The following ADPRHL1 variants were observed in gnomAD, a reference collection of about 807,000 sequenced individuals.
ADPRHL1 encodes the protein inactive ADP-ribosyltransferase ARH2.
ADPRHL1 carries 43 observed loss-of-function variants against 44.1 expected under a neutral mutation model. The ratio of observed to expected loss-of-function variants is 0.98; its 90% CI spans 0.76 to 1.26. The LOEUF is 1.26. ADPRHL1 is among the 50% of genes most tolerant of loss of function. The pLI, the probability that ADPRHL1 is intolerant of heterozygous loss-of-function variation, is 0.00. For missense variants in ADPRHL1, 2,022 were observed against 2,496.9 expected (o/e 0.81, Z 4.05); for synonymous variants, 878 against 1,017.4 (o/e 0.86, Z 2.61).
chr13:113,421,933 A>T (rs1050334376), intron 7 of ADPRHL1: 2 of 152,268 alleles, frequency 1.3e-5, no homozygotes, highest in African/African-American at 4.8e-5. Flanking sequence ...GCGGCCAAGC[A>T]CAGCGGTAAA....
chr13:113,442,849 C>T (rs988254298), intron 2 of ADPRHL1, among the ~76,000 whole-genome samples: 1 of 152,214 alleles, frequency 6.6e-6, no homozygotes, highest in South Asian at 2.1e-4. Flanking sequence ...AGGCCGCCCG[C>T]GGGTCGCTGG....
At chr13:113,415,543 G>T (rs1436448840) in intron 7 of ADPRHL1, among the ~76,000 whole-genome samples, 1 of 152,148 alleles carries the variant, frequency 6.6e-6, no homozygotes, top group Admixed American at 6.5e-5. Flanking sequence ...ACGAGGTCAG[G>T]AGTTCGAGGC....
intron 7 of ADPRHL1, among the ~76,000 whole-genome samples, chr13:113,414,881 G>T (rs2139606724): frequency 6.6e-6 from 1 of 152,042 alleles, no homozygotes; most frequent in East Asian, 1.9e-4. Context: ...CACCATGTTG[G>T]CTAGGCTGGT....
At position 113,405,066 on chromosome 13, in the gene ADPRHL1, C is replaced by T; in HGVS notation, c.4216G>A (p.Val1406Ile). 1 of 1,232,278 alleles carries T rather than the reference C, an allele frequency of 8.1e-7. No individual in the cohort carries two copies. The highest frequency in any genetic ancestry group is 1.0e-6 in the Non-Finnish European group (1 of 988,348). 76.3% of individuals were successfully genotyped at this position (1,232,278 alleles called of 1,614,324 possible). A position where few individuals can be genotyped will look rare whatever the true frequency, so the allele number is the denominator to read the frequency against. Reference sequence around the variant, plus strand: ...GGCTCTTTTGCTGGGTTCAGCACAACCTTCGAGCCCGACGGCGCCACCCTC... The same window carrying T: ...GGCTCTTTTGCTGGGTTCAGCACAATCTTCGAGCCCGACGGCGCCACCCTC... ...GKRVAPSGSK[V>I]VLNPAKEPQT... The change falls in exon 8 of 8, where the codon GTT becomes ATT. Residue 1406 changes from valine to isoleucine, a missense_variant. Transcript: ENST00000612156.
In ADPRHL1 at chr13:113,403,635, T is replaced by C. The variant is rs553220299; in HGVS notation, c.5647A>G (p.Lys1883Glu). 1.4e-4 allele frequency: 173 copies of C among 1,231,494 alleles called. No individual in the cohort carries two copies. The African/African-American group carries it at 2.4e-3, about 17-fold the overall frequency. The allele number at this position is 1,231,494 out of a possible 1,614,324, so 76.3% of individuals were successfully genotyped here. A position where few individuals can be genotyped will look rare whatever the true frequency, so the allele number is the denominator to read the frequency against. ...SIATSPLGLG[K>E]SPTEPKPEAG... Reference sequence around the variant, plus strand: ...TCAGGCTTGGGCTCAGTTGGGCTCTTTCCCAGCCCCAGGGGAGAGGTGGCA... The same window carrying C: ...TCAGGCTTGGGCTCAGTTGGGCTCTCTCCCAGCCCCAGGGGAGAGGTGGCA... Residue 1883 changes from lysine to glutamate, a missense_variant, in exon 8 of 8, where the codon AAG (lysine) becomes GAG (glutamate). Transcript: ENST00000612156.
At chr13:113,440,911 G>A (rs1351025171) in intron 2 of ADPRHL1, among the ~76,000 whole-genome samples, 1 of 152,130 alleles carries the variant, frequency 6.6e-6, no homozygotes, top group Non-Finnish European at 1.5e-5. Flanking sequence ...CCAGCATTTT[G>A]GGAGGCCAAG....
rs912120504 is a variant in ADPRHL1, at chr13:113,403,579, C to T, written c.5703G>A (p.Pro1901=). Residue 1901 remains proline, a synonymous_variant, in exon 8 of 8, where the codon CCG becomes CCA. Transcript: ENST00000612156. ...EAGGCGTPQA[P]AQEGSPDHPG... is the part of the protein sequence containing the mutation. ...GGTGGTCTGGGGACCCCTCCTGGGCCGGGGCCTGGGGAGTCCCGCAGCCCC... is the reference window on the plus strand; with the variant it reads ...GGTGGTCTGGGGACCCCTCCTGGGCTGGGGCCTGGGGAGTCCCGCAGCCCC... 9.6e-5 allele frequency: 118 copies of T among 1,231,686 alleles called. No individual in the cohort carries two copies. The highest frequency in any genetic ancestry group is 1.1e-4 in the Non-Finnish European group (110 of 987,936). 76.3% of individuals were successfully genotyped at this position (1,231,686 alleles called of 1,614,324 possible).
chr13:113,407,428 C>T lies in ADPRHL1; in HGVS notation c.1854G>A (p.Leu618=). ...CGACGGTGGCGATGCTGAGGGCCGG[C>T]AGGGGCTCAGCCGTGCAGGCCAGAA... ...ARFLACTAEP[L]PALSIATVVC... is the part of the protein sequence containing the mutation. The change falls in exon 8 of 8, where the codon CTG becomes CTA. Residue 618 remains leucine (L), a synonymous_variant. Transcript: ENST00000612156. 1 of 1,232,000 alleles carries T rather than the reference C, an allele frequency of 8.1e-7. No individual in the cohort carries two copies. 76.3% of individuals were successfully genotyped at this position (1,232,000 alleles called of 1,614,324 possible). A position where few individuals can be genotyped will look rare whatever the true frequency, so the allele number is the denominator to read the frequency against.
At chr13:113,440,983 T>C (rs1217691139) in intron 2 of ADPRHL1, among the ~76,000 whole-genome samples, 3 of 152,068 alleles carry the variant, frequency 2.0e-5, no homozygotes, top group Non-Finnish European at 4.4e-5. Flanking sequence ...CAAAACCTTG[T>C]CACTACTAAA....
chr13:113,433,695 G>A lies in ADPRHL1; in HGVS notation c.505+47C>T, dbSNP rs545603488. 47 of 1,536,036 alleles carry A rather than the reference G, an allele frequency of 3.1e-5. 1 individual carries two copies. In the South Asian group the frequency reaches 4.8e-4, roughly 16 times the overall value. Reference sequence around the variant, plus strand: ...CCTGTGAGGTGGTTGTGGGTCATCCGGCCGCACTCCACGCTGACCTCCCTC... The same window carrying A: ...CCTGTGAGGTGGTTGTGGGTCATCCAGCCGCACTCCACGCTGACCTCCCTC... On this transcript the variant is annotated intron_variant, in intron 3 of 7. Transcript: ENST00000612156.
rs1314086393 is a variant in ADPRHL1 at position 113,407,644 on chromosome 13, C to T, written c.1638G>A (p.Ser546=). 7 of 1,231,972 alleles carry T rather than the reference C, an allele frequency of 5.7e-6. No individual in the cohort carries two copies. In the Admixed American group the frequency reaches 1.7e-4, roughly 30 times the overall value. The allele number at this position is 1,231,972 out of a possible 1,614,324, so 76.3% of individuals were successfully genotyped here. ...ACTTCTCCCGCAGCTTGGACAGCACCGAGCTCTTGCCCATGATCTTCGGCA... is the reference window on the plus strand; with the variant it reads ...ACTTCTCCCGCAGCTTGGACAGCACTGAGCTCTTGCCCATGATCTTCGGCA... ...GLLPKIMGKS[S]VLSKLREKFE... Residue 546 remains serine (S), a synonymous_variant, in exon 8 of 8, where the codon TCG becomes TCA. Transcript: ENST00000612156.
chr13:113,432,549 G>A (rs1267445806), intron 3 of ADPRHL1, among the ~76,000 whole-genome samples: 2 of 152,216 alleles, frequency 1.3e-5, no homozygotes, highest in Non-Finnish European at 2.9e-5. Context: ...TGGGTCACGT[G>A]CCTTCCCTCT....
At position 113,425,059 on chromosome 13, in the gene ADPRHL1, C is replaced by T. The variant is rs141769199; in HGVS notation, c.767G>A (p.Arg256Lys). The change falls in exon 5 of 8, where the codon AGG becomes AAG. Residue 256 changes from arginine (R) to lysine (K), a missense_variant. Physicochemically the swap from Arg to Lys is conservative, Grantham distance 26. Coordinates refer to ENST00000612156, the MANE Select transcript of ADPRHL1 (RefSeq NM_001394807.1). ...TGCCAGGACAAGGCTTACCTTTTCC[C>T]TCTCTTCTGCATCATAATTGTCGGG... is the stretch of plus-strand genomic sequence containing the variant. Reference protein sequence around the residue: ...IFPDNYDAEEREKTYRKWSSE... With the variant: ...IFPDNYDAEEKEKTYRKWSSE... 1.2e-4 allele frequency: 194 copies of T among 1,613,422 alleles called. No homozygotes were observed. Among genetic ancestry groups the T allele is most frequent in the Non-Finnish European group, 2.6e-5 (31 of 1,179,932 alleles).
rs909553328 is a variant in ADPRHL1 at position 113,408,443 on chromosome 13, A to C, written c.1062-223T>G. Among the ~76,000 whole-genome samples the C allele has an allele frequency of 3.3e-5, 5 of 152,172 alleles. No individual in the cohort carries two copies. The South Asian group carries it at 6.2e-4, about 19-fold the overall frequency. ...CTTTTCTGGGTCACTGTTTCCTGTT[A>C]AATGGCAGGAACTTCTGACACACGC... is the stretch of plus-strand genomic sequence containing the variant. On this transcript the variant is annotated intron_variant, in intron 7 of 7. Coordinates refer to ENST00000612156, the MANE Select transcript of ADPRHL1 (RefSeq NM_001394807.1).
At chr13:113,427,449 G>A (rs1222501972) in intron 4 of ADPRHL1, among the ~76,000 whole-genome samples, 1 of 152,154 alleles carries the variant, frequency 6.6e-6, no homozygotes, top group African/African-American at 2.4e-5. Flanking sequence ...GGCTGACCTC[G>A]AACTCCTGAC....
At chr13:113,418,008 G>A (rs2043895334) in intron 7 of ADPRHL1, among the ~76,000 whole-genome samples, 1 of 152,190 alleles carries the variant, frequency 6.6e-6, no homozygotes, top group Admixed American at 6.5e-5. Context: ...TTGGCTTCTG[G>A]CAGCTTGGGC....
intron 2 of ADPRHL1, among the ~76,000 whole-genome samples, 173 bp downstream of exon 2, chr13:113,444,252 C>A (rs2044120106): frequency 1.3e-5 from 2 of 152,090 alleles, no homozygotes; most frequent in Admixed American, 1.3e-4. Flanking sequence ...TAAACAGACG[C>A]CCGCACTGGC....
Position 113,429,077 on chromosome 13 carries a change from A to G in ADPRHL1, c.521T>C (p.Leu174Pro), listed in dbSNP as rs1369875816. ...HNHPTGFLGS[L>P]CTALFVSFAA... ...GAACGACACAAACAGGGCCGTGCAC[A>G]GGGAGCCCAGGAAGCCTGGAGGGCA... The change falls in exon 4 of 8, where the codon CTG becomes CCG. Residue 174 changes from leucine (L) to proline (P), a missense_variant. By Grantham distance (98) the Leu-to-Pro change is moderately conservative (BLOSUM62 -3). Around this residue, in one of 8 missense-constraint regions of ADPRHL1, gnomAD observed 437 missense variants for 430.7 expected, o/e 1.01. Coordinates refer to ENST00000612156, the MANE Select transcript of ADPRHL1 (RefSeq NM_001394807.1). The G allele has an allele frequency of 1.2e-6, 2 of 1,610,748 alleles. No homozygotes were observed. Among genetic ancestry groups the G allele is most frequent in the East Asian group, 4.5e-5 (2 of 44,824 alleles).
chr13:113,403,581 G>A lies in ADPRHL1; in HGVS notation c.5701C>T (p.Pro1901Ser). The change falls in exon 8 of 8, where the codon CCG becomes TCG. Residue 1901 changes from proline to serine, a missense_variant. Transcript: ENST00000612156. The part of the protein sequence containing the change: ...EAGGCGTPQA[P>S]AQEGSPDHPG... ...TGGTCTGGGGACCCCTCCTGGGCCG[G>A]GGCCTGGGGAGTCCCGCAGCCCCCA... is the stretch of plus-strand genomic sequence containing the variant. 8.1e-7 allele frequency: 1 copy of A among 1,231,732 alleles called. No homozygotes were observed. 76.3% of individuals were successfully genotyped at this position (1,231,732 alleles called of 1,614,324 possible). A position where few individuals can be genotyped will look rare whatever the true frequency, so the allele number is the denominator to read the frequency against.
Sources: gnomAD v4.1 joint callset for allele counts (sites outside exome capture counted in the v4.1 genomes callset) on GRCh38, gnomAD v4.1.1 for gene constraint, gnomAD v4.1.1 regional missense constraint, MANE v1.5 for transcripts, NCBI Gene and HGNC (gene_info 2026-07-23, HGNC 2026-07-21) for gene names.